CRYBG3: variants seen among roughly 807,000 people sequenced by gnomAD.
CRYBG3 encodes the protein crystallin beta-gamma domain containing 3, also known as very large A-kinase anchor protein.
A neutral mutation model predicts 244.2 loss-of-function variants in CRYBG3; 127 were observed. That is an observed-to-expected ratio of 0.52 (90% CI 0.45 to 0.60). The LOEUF is 0.60. CRYBG3 is among the 20% of genes least tolerant of loss of function. The pLI, the probability that CRYBG3 is intolerant of heterozygous loss-of-function variation, is 0.00. For synonymous variants in CRYBG3, 1,132 were observed against 1,195.8 expected (o/e 0.95, Z 1.10); for missense variants, 3,325 against 3,442.5 (o/e 0.97, Z 0.85).
rs533303377 is a variant in CRYBG3, at chr3:97,876,419, A to G, written c.5225A>G (p.Tyr1742Cys). ...MPVRLEMENT[Y>C]PKDTERDGGK... ...GTGAGGTTAGAAATGGAAAATACTT[A>G]CCCAAAGGATACTGAAAGAGACGGT... Residue 1742 changes from tyrosine (Y) to cysteine (C), a missense_variant, in exon 4 of 22, where the codon TAC becomes TGC. Tyr to Cys is a radical substitution (Grantham distance 194, BLOSUM62 -2). Coordinates refer to ENST00000389622, the MANE Select transcript of CRYBG3 (RefSeq NM_153605.4). 6.5e-6 allele frequency: 8 copies of G among 1,232,078 alleles called. No homozygotes were observed. Among genetic ancestry groups the G allele is most frequent in the South Asian group, 8.2e-5 (2 of 24,312 alleles). 76.3% of individuals were successfully genotyped at this position (1,232,078 alleles called of 1,614,324 possible). A position where few individuals can be genotyped will look rare whatever the true frequency, so the allele number is the denominator to read the frequency against.
At chr3:97,888,271 C>T (rs1448577716) in intron 8 of CRYBG3, 70 bp from the exon 9 acceptor site, 2 of 889,096 alleles carry the variant, frequency 2.2e-6, no homozygotes, top group Non-Finnish European at 3.5e-6. Context: ...ATTTTGGTAG[C>T]CCTTTTTACT....
At chr3:97,870,013 A>G (rs1013597136) in intron 3 of CRYBG3, among the ~76,000 whole-genome samples, 6 of 152,188 alleles carry the variant, frequency 3.9e-5, no homozygotes, top group African/African-American at 1.2e-4. Context: ...TGGAATACTG[A>G]TAACTGAATT....
intron 12 of CRYBG3, among the ~76,000 whole-genome samples, chr3:97,896,980 A>G (rs985504048): frequency 6.7e-6 from 1 of 148,918 alleles, no homozygotes; most frequent in Non-Finnish European, 1.5e-5. Context: ...AGTTATTTTT[A>G]TTTTTTTTTT....
At chr3:97,879,937 C>T (rs2039424992) in intron 5 of CRYBG3, 48 bp from the exon 6 acceptor site, 2 of 1,069,344 alleles carry the variant, frequency 1.9e-6, no homozygotes, top group East Asian at 4.8e-5. Flanking sequence ...AAAATACATT[C>T]TAAAAATTAG....
chr3:97,932,746 G>A lies in CRYBG3; in HGVS notation c.8242-948G>A, dbSNP rs568382476. On this transcript the variant is annotated intron_variant, in intron 17 of 21. Coordinates refer to ENST00000389622, the MANE Select transcript of CRYBG3 (RefSeq NM_153605.4). ...ATAACAAACTGTGGGAGCACTTGCCGCTGTTTCCTGTTGGGCTGATTTGCC... is the reference window on the plus strand; with the variant it reads ...ATAACAAACTGTGGGAGCACTTGCCACTGTTTCCTGTTGGGCTGATTTGCC... Among the ~76,000 whole-genome samples the A allele has an allele frequency of 2.6e-5, 4 of 152,172 alleles. No individual in the cohort carries two copies. In the South Asian group the frequency reaches 6.2e-4, roughly 24 times the overall value.
At chr3:97,893,122 G>A (rs2039600637) in intron 11 of CRYBG3, 129 bp downstream of exon 11, 3 of 789,906 alleles carry the variant, frequency 3.8e-6, no homozygotes, top group Non-Finnish European at 6.1e-6. Flanking sequence ...AATATGGAAA[G>A]TAAAAAATAT....
Position 97,822,338 on chromosome 3 carries a change from A to G in CRYBG3, c.132A>G (p.Pro44=). 1 of 1,505,152 alleles carries G rather than the reference A, an allele frequency of 6.6e-7. No homozygotes were observed. Among genetic ancestry groups the G allele is most frequent in the Non-Finnish European group, 8.8e-7 (1 of 1,131,096 alleles). The allele number at this position is 1,505,152 out of a possible 1,614,324, so 93.2% of individuals were successfully genotyped here. A position where few individuals can be genotyped will look rare whatever the true frequency, so the allele number is the denominator to read the frequency against. The part of the protein sequence containing the change: ...ERPGTSPPPA[P]GRSAASVENE... The stretch of plus-strand genomic sequence containing the variant: ...CGGGGACGAGCCCGCCTCCAGCTCC[A>G]GGCCGGTCCGCTGCCAGGTGGGAGT... The change falls in exon 1 of 22, where the codon CCA becomes CCG. Residue 44 remains proline, a synonymous_variant. Coordinates refer to ENST00000389622, the MANE Select transcript of CRYBG3 (RefSeq NM_153605.4).
intron 1 of CRYBG3, among the ~76,000 whole-genome samples, chr3:97,822,830 T>A (rs2038524170): frequency 6.6e-6 from 1 of 152,222 alleles, no homozygotes; most frequent in Admixed American, 6.5e-5. Context: ...GGGGCAAAAG[T>A]GGAAAAGGTA....
At chr3:97,916,093 G>T (rs1367620571) in intron 17 of CRYBG3, among the ~76,000 whole-genome samples, 1 of 151,998 alleles carries the variant, frequency 6.6e-6, no homozygotes, top group African/African-American at 2.4e-5. Flanking sequence ...AAGGCCATTG[G>T]GATATTAAAT....
chr3:97,827,802 G>T (rs1464805400), intron 1 of CRYBG3, among the ~76,000 whole-genome samples: 1 of 152,102 alleles, frequency 6.6e-6, no homozygotes, highest in Admixed American at 6.5e-5. Context: ...CACAATATTG[G>T]TAGTAGAGTC....
chr3:97,837,932 C>A (rs1334262889), intron 1 of CRYBG3, among the ~76,000 whole-genome samples: 1 of 152,102 alleles, frequency 6.6e-6, no homozygotes, highest in Non-Finnish European at 1.5e-5. Flanking sequence ...AGGTGCCCAA[C>A]AGGTGCATTA....
Position 97,896,021 on chromosome 3 carries a change from T to C in CRYBG3, c.7637T>C (p.Phe2546Ser). ...CAGTTTCTGCTTGAAGAAGGAGACTTTGAAGACAGTAATGCTTGTGGTGCA... is the reference window on the plus strand; with the variant it reads ...CAGTTTCTGCTTGAAGAAGGAGACTCTGAAGACAGTAATGCTTGTGGTGCA... Reference protein sequence around the residue: ...GQQFLLEEGDFEDSNACGALS... With the variant: ...GQQFLLEEGDSEDSNACGALS... Residue 2546 changes from phenylalanine (F) to serine (S), a missense_variant, in exon 12 of 22, where the codon TTT becomes TCT. Physicochemically the swap from Phe to Ser is radical, Grantham distance 155. Transcript: ENST00000389622. The C allele has an allele frequency of 6.2e-7, 1 of 1,613,650 alleles. No homozygotes were observed. Among genetic ancestry groups the C allele is most frequent in the Non-Finnish European group, 8.5e-7 (1 of 1,179,704 alleles).
At chr3:97,852,124 G>A (rs906082137) in intron 2 of CRYBG3, among the ~76,000 whole-genome samples, 3 of 152,114 alleles carry the variant, frequency 2.0e-5, no homozygotes, top group Admixed American at 2.0e-4. Context: ...GCTAATCTGA[G>A]GATCATCATC....
intron 3 of CRYBG3, among the ~76,000 whole-genome samples, chr3:97,865,468 A>G (rs1453436646): frequency 6.6e-6 from 1 of 152,160 alleles, no homozygotes; most frequent in Non-Finnish European, 1.5e-5. Flanking sequence ...AGGTGCTTTC[A>G]GTTAATTCCT....
chr3:97,827,318 C>G (rs1287276133), intron 1 of CRYBG3, among the ~76,000 whole-genome samples: 2 of 152,156 alleles, frequency 1.3e-5, no homozygotes, highest in African/African-American at 4.8e-5. Flanking sequence ...TAACATTCAG[C>G]TAGGGGTGGT....
intron 1 of CRYBG3, among the ~76,000 whole-genome samples, chr3:97,824,548 A>G (rs1374012806): frequency 1.3e-5 from 2 of 152,148 alleles, no homozygotes; most frequent in Admixed American, 6.5e-5. Flanking sequence ...AGGTCTTCCA[A>G]TATTTTACTG....
chr3:97,914,919 G>A (rs1398197451), intron 16 of CRYBG3, among the ~76,000 whole-genome samples: 3 of 152,158 alleles, frequency 2.0e-5, no homozygotes, highest in Admixed American at 2.0e-4. Flanking sequence ...TTTCCCTTGG[G>A]CTCCTTCTTT....
intron 1 of CRYBG3, among the ~76,000 whole-genome samples, chr3:97,842,926 C>T (rs898189088): frequency 1.1e-4 from 16 of 152,118 alleles, no homozygotes; most frequent in Non-Finnish European, 2.4e-4. Context: ...CTCTTTTGTT[C>T]AGATATATCA....
At chr3:97,910,622 G>A (rs1405444729) in intron 15 of CRYBG3, among the ~76,000 whole-genome samples, 3 of 152,118 alleles carry the variant, frequency 2.0e-5, no homozygotes, top group Non-Finnish European at 4.4e-5. Flanking sequence ...CACGGTGCAC[G>A]CACCCATGAC....
Sources: gnomAD v4.1 joint callset for allele counts (sites outside exome capture counted in the v4.1 genomes callset) on GRCh38, gnomAD v4.1.1 for gene constraint, MANE v1.5 for transcripts, NCBI Gene and HGNC (gene_info 2026-07-23, HGNC 2026-07-21) for gene names.